TCAIM: variants seen among roughly 807,000 people sequenced by gnomAD.
TCAIM encodes the protein T cell activation inhibitor, mitochondrial.
Under a neutral mutation model 58.6 loss-of-function variants are expected in TCAIM, and 36 were observed. The observed-to-expected ratio is 0.61, with a 90% CI of 0.47 to 0.81. The LOEUF (loss-of-function observed/expected upper bound fraction) is 0.81. Ranked by LOEUF, TCAIM falls within the 30% of genes least tolerant of loss-of-function variation. The probability of loss-of-function intolerance (pLI) is 0.00; values close to 1 mark genes in which losing one functional copy is unlikely to be tolerated. For missense variants in TCAIM, 466 were observed against 579.6 expected (o/e 0.80, Z 2.01); for synonymous variants, 172 against 193.6 (o/e 0.89, Z 0.93).
intron 1 of TCAIM, 110 bp from the exon 2 acceptor site, chr3:44,354,629 A>G (rs1172511538): frequency 1.5e-6 from 1 of 682,336 alleles, no homozygotes; most frequent in Non-Finnish European, 2.4e-6. Context: ...TACATATTTT[A>G]TAAGATTAAT....
chr3:44,344,867 G>C (rs1033305652), intron 1 of TCAIM, among the ~76,000 whole-genome samples: 1 of 152,054 alleles, frequency 6.6e-6, no homozygotes, highest in Non-Finnish European at 1.5e-5. Context: ...GTCACAAGGT[G>C]CTCAGTCGGG....
chr3:44,402,075 G>A (rs1575282209), intron 10 of TCAIM, among the ~76,000 whole-genome samples: 1 of 151,892 alleles, frequency 6.6e-6, no homozygotes, highest in East Asian at 1.9e-4. Context: ...AACTTTATCT[G>A]CATTTTAATT....
chr3:44,369,248 G>A (rs918126624), intron 5 of TCAIM, among the ~76,000 whole-genome samples: 8 of 152,144 alleles, frequency 5.3e-5, no homozygotes, highest in Non-Finnish European at 1.2e-4. Flanking sequence ...GCTTACACCC[G>A]CGGGAGAATA....
intron 4 of TCAIM, among the ~76,000 whole-genome samples, chr3:44,366,311 A>T (rs1701372846): frequency 6.6e-6 from 1 of 151,550 alleles, no homozygotes; most frequent in African/African-American, 2.4e-5. Flanking sequence ...TTTTTGAGAC[A>T]GAGTCTTGCT....
intron 6 of TCAIM, among the ~76,000 whole-genome samples, chr3:44,394,719 C>T (rs1279622905): frequency 1.3e-5 from 2 of 150,090 alleles, no homozygotes; most frequent in African/African-American, 4.9e-5. Flanking sequence ...CATGGTGAAA[C>T]CCCGTCTCTA....
At chr3:44,343,711 T>A (rs945063460) in intron 1 of TCAIM, among the ~76,000 whole-genome samples, 5 of 152,178 alleles carry the variant, frequency 3.3e-5, no homozygotes, top group Admixed American at 6.5e-5. Flanking sequence ...TTTTAGGAAA[T>A]AGCTTGCTCA....
intron 5 of TCAIM, among the ~76,000 whole-genome samples, chr3:44,383,635 A>C (rs1424876983): frequency 6.6e-6 from 1 of 152,118 alleles, no homozygotes; most frequent in African/African-American, 2.4e-5. Context: ...TGATAGTTGC[A>C]CAACAATGTT....
In TCAIM at chr3:44,407,826, A is replaced by G. The variant is rs1702124731; in HGVS notation, c.*144A>G. On this transcript the variant is annotated 3_prime_UTR_variant, in exon 11 of 11. Coordinates refer to ENST00000342649, the MANE Select transcript of TCAIM (RefSeq NM_173826.4). The stretch of plus-strand genomic sequence containing the variant: ...TTTAAAAGTAGACTTTTTTAAAAAA[A>G]TTAATTTCTGCTAGGAGAGGTTTTA... The G allele has an allele frequency of 1.0e-6, 1 of 960,174 alleles. No individual in the cohort carries two copies. The highest frequency in any genetic ancestry group is 1.5e-6 in the Non-Finnish European group (1 of 689,106). The allele number at this position is 960,174 out of a possible 1,614,324, so 59.5% of individuals were successfully genotyped here.
At chr3:44,352,352 A>G (rs1338007470) in intron 1 of TCAIM, among the ~76,000 whole-genome samples, 2 of 152,234 alleles carry the variant, frequency 1.3e-5, no homozygotes, top group Non-Finnish European at 2.9e-5. Context: ...TCATTTGGTC[A>G]GTTGATATGG....
intron 2 of TCAIM, among the ~76,000 whole-genome samples, chr3:44,355,159 A>G (rs1197692399): frequency 2.0e-5 from 3 of 152,238 alleles, no homozygotes; most frequent in Non-Finnish European, 2.9e-5. Flanking sequence ...GAGACTAATG[A>G]GAATACAAAA....
At chr3:44,365,475 T>C (rs981459897) in intron 4 of TCAIM, among the ~76,000 whole-genome samples, 4 of 151,786 alleles carry the variant, frequency 2.6e-5, no homozygotes, top group Non-Finnish European at 5.9e-5. Flanking sequence ...ATTACAGGAG[T>C]GCACCACCAC....
At chr3:44,402,719 A>T (rs954318302) in intron 10 of TCAIM, among the ~76,000 whole-genome samples, 1 of 152,140 alleles carries the variant, frequency 6.6e-6, no homozygotes, top group African/African-American at 2.4e-5. Flanking sequence ...GCTGGAGCAC[A>T]GTCAAGTGGG....
chr3:44,407,919 T>C lies in TCAIM; in HGVS notation c.*237T>C. 2.9e-6 allele frequency: 1 copy of C among 340,094 alleles called. No individual in the cohort carries two copies. The highest frequency in any genetic ancestry group is 5.2e-6 in the Non-Finnish European group (1 of 192,780). 21.1% of individuals were successfully genotyped at this position (340,094 alleles called of 1,614,324 possible). On this transcript the variant is annotated 3_prime_UTR_variant, in exon 11 of 11. Transcript: ENST00000342649. ...AGGGAGGCTAAGATAGGAGGATCACTTGAGCCCAGGAGGCCAAGGTTGCAG... is the reference window on the plus strand; with the variant it reads ...AGGGAGGCTAAGATAGGAGGATCACCTGAGCCCAGGAGGCCAAGGTTGCAG...
intron 3 of TCAIM, chr3:44,359,822 A>G (rs1701266352): frequency 6.6e-6 from 1 of 152,216 alleles, no homozygotes; most frequent in African/African-American, 2.4e-5. Flanking sequence ...AGTTCTGTGA[A>G]TCCTTCTAGT....
At chr3:44,399,808 G>A (rs575682522) in intron 8 of TCAIM, among the ~76,000 whole-genome samples, 3 of 152,204 alleles carry the variant, frequency 2.0e-5, no homozygotes, top group South Asian at 4.1e-4. Flanking sequence ...TGCTAAATTC[G>A]GATTTTTGTT....
chr3:44,407,748 A>G lies in TCAIM; in HGVS notation c.*66A>G. Reference sequence around the variant, plus strand: ...ACTTAAATTAAAAATATTTAAATCCACAATTTGATATAACAGTATTATTTA... The same window carrying G: ...ACTTAAATTAAAAATATTTAAATCCGCAATTTGATATAACAGTATTATTTA... On this transcript the variant is annotated 3_prime_UTR_variant, in exon 11 of 11. Coordinates refer to ENST00000342649, the MANE Select transcript of TCAIM (RefSeq NM_173826.4). The G allele has an allele frequency of 7.0e-7, 1 of 1,423,228 alleles. No homozygotes were observed. The highest frequency in any genetic ancestry group is 1.5e-5 in the South Asian group (1 of 67,988). 88.2% of individuals were successfully genotyped at this position (1,423,228 alleles called of 1,614,324 possible).
chr3:44,401,168 C>A, intron 9 of TCAIM, 35 bp from the exon 10 acceptor site: 2 of 1,607,982 alleles, frequency 1.2e-6, no homozygotes, highest in South Asian at 2.2e-5. Context: ...AGGAGAGGGT[C>A]AGTGGTTTTT....
intron 5 of TCAIM, among the ~76,000 whole-genome samples, chr3:44,386,443 G>T (rs1701743846): frequency 6.6e-6 from 1 of 152,186 alleles, no homozygotes; most frequent in Admixed American, 6.5e-5. Flanking sequence ...GGAACAGGCA[G>T]GAGCCCCACC....
At chr3:44,354,535 T>C (rs1160603822) in intron 1 of TCAIM, among the ~76,000 whole-genome samples, 1 of 152,220 alleles carries the variant, frequency 6.6e-6, no homozygotes, top group East Asian at 1.9e-4. Flanking sequence ...AGTCTTGCTA[T>C]CCATGAACAT....
Sources: allele counts gnomAD v4.1 joint callset (sites outside exome capture counted in the v4.1 genomes callset), GRCh38; gene constraint gnomAD v4.1.1; transcripts MANE v1.5; gene names NCBI Gene and HGNC (gene_info 2026-07-23, HGNC 2026-07-21).